Variants in MEF2C observed in about 807,000 individuals in gnomAD.
MEF2C encodes the protein myocyte-specific enhancer factor 2C.
A neutral mutation model predicts 50.5 loss-of-function variants in MEF2C; 6 were observed. The ratio of observed to expected loss-of-function variants is 0.12; its 90% CI spans 0.07 to 0.23. The LOEUF is 0.23. Ranked by LOEUF, MEF2C falls within the 10% of genes least tolerant of loss-of-function variation. The probability of loss-of-function intolerance (pLI) is 1.00; values close to 1 mark genes in which losing one functional copy is unlikely to be tolerated. For synonymous variants in MEF2C, 183 were observed against 228.0 expected (o/e 0.80, Z 1.78); for missense variants, 276 against 605.0 (o/e 0.46, Z 5.70).
At chr5:88,738,501 G>A (rs1765073858) in intron 6 of MEF2C, 1 of 853,228 alleles carries the variant, frequency 1.2e-6, no homozygotes, top group African/African-American at 1.8e-5. Flanking sequence ...AGAAAAGAGA[G>A]GTCCAGGAAT....
At chr5:88,869,296 C>CATATATATATATATATATATATAT (rs1561421061) in intron 1 of MEF2C, among the ~76,000 whole-genome samples, 1 of 104,866 alleles carries the variant, frequency 9.5e-6, no homozygotes, top group Non-Finnish European at 1.9e-5. Context: ...TATATATATA[C>CATATATATATATATATATATATAT]ACATATATAT....
At chr5:88,889,993 G>C (rs896133274) in intron 1 of MEF2C, among the ~76,000 whole-genome samples, 1 of 152,186 alleles carries the variant, frequency 6.6e-6, no homozygotes, top group Admixed American at 6.5e-5. Context: ...GAGCAAGAGG[G>C]GCTCTGCAGG....
chr5:88,823,980 A>G (rs1448606230), intron 1 of MEF2C, 50 bp from the exon 2 acceptor site: 7 of 1,355,182 alleles, frequency 5.2e-6, no homozygotes, highest in Non-Finnish European at 6.7e-6. Context: ...AGTCAGTTTC[A>G]TAAGAACTAT....
chr5:88,811,009 T>G (rs1181049447), intron 2 of MEF2C, among the ~76,000 whole-genome samples: 1 of 152,138 alleles, frequency 6.6e-6, no homozygotes, highest in East Asian at 1.9e-4. Flanking sequence ...TAAGGAATTT[T>G]GGGAAAGGAT....
At chr5:88,751,442 A>G in intron 5 of MEF2C, 1 of 985,342 alleles carries the variant, frequency 1.0e-6, no homozygotes, top group South Asian at 4.7e-5. Flanking sequence ...CAAATAATAA[A>G]TAACTAAATG....
At chr5:88,727,129 T>C (rs940054262) in intron 10 of MEF2C, among the ~76,000 whole-genome samples, 9 of 152,280 alleles carry the variant, frequency 5.9e-5, no homozygotes, top group African/African-American at 1.7e-4. Context: ...ATTATGTGCT[T>C]GGTGATAATT....
intron 3 of MEF2C, among the ~76,000 whole-genome samples, chr5:88,779,015 C>T (rs985138020): frequency 1.3e-5 from 2 of 152,190 alleles, no homozygotes; most frequent in Non-Finnish European, 2.9e-5. Flanking sequence ...CGGGCCAATA[C>T]CCATGTCTCT....
At chr5:88,731,958 G>T in intron 6 of MEF2C, 57 bp from the exon 7 acceptor site, 2 of 1,468,504 alleles carry the variant, frequency 1.4e-6, no homozygotes, top group South Asian at 1.3e-5. Flanking sequence ...ATACGTTTCC[G>T]AAGAATACAC....
chr5:88,814,286 G>A (rs2153156886), intron 2 of MEF2C, among the ~76,000 whole-genome samples: 1 of 152,036 alleles, frequency 6.6e-6, no homozygotes, highest in African/African-American at 2.4e-5. Context: ...TAGGCCCGAT[G>A]ATTACTCTCG....
intron 2 of MEF2C, among the ~76,000 whole-genome samples, chr5:88,808,605 C>T (rs11956763): frequency 0.08 from 12,184 of 152,092 alleles, 582 homozygotes; most frequent in Non-Finnish European, 0.099. Flanking sequence ...TATTAAAGCA[C>T]GTAAGAAAAT....
rs182873989 is a variant in MEF2C at position 88,781,801 on chromosome 5, C to T, written c.259-20473G>A. ...CAGCCTGGCCAACATGGTGAAACCCCGTATCTACTAAAAATACAAAAATTA... is the reference window on the plus strand; with the variant it reads ...CAGCCTGGCCAACATGGTGAAACCCTGTATCTACTAAAAATACAAAAATTA... On this transcript the variant is annotated intron_variant, in intron 3 of 10. Coordinates refer to ENST00000504921, the MANE Select transcript of MEF2C (RefSeq NM_002397.5). Among the ~76,000 whole-genome samples the T allele has an allele frequency of 1.5e-3, 224 of 152,140 alleles. 1 individual carries two copies. Among genetic ancestry groups the T allele is most frequent in the African/African-American group, 5.3e-3 (219 of 41,506 alleles).
intron 6 of MEF2C, among the ~76,000 whole-genome samples, chr5:88,746,005 C>T (rs1416790679): frequency 6.6e-6 from 1 of 152,140 alleles, no homozygotes; most frequent in Non-Finnish European, 1.5e-5. Flanking sequence ...TAGATGTCTA[C>T]TGTTAGTAGA....
intron 1 of MEF2C, among the ~76,000 whole-genome samples, chr5:88,869,020 CAT>C (rs981233363): frequency 4.0e-5 from 6 of 151,708 alleles, no homozygotes; most frequent in South Asian, 2.1e-4. Context: ...ACAACAAGCA[CAT>C]GATAGAACTC....
chr5:88,777,549 GTTGT>G (rs1249116482), intron 3 of MEF2C, among the ~76,000 whole-genome samples: 1 of 152,172 alleles, frequency 6.6e-6, no homozygotes, highest in Non-Finnish European at 1.5e-5. Flanking sequence ...CGTCTGCAAG[GTTGT>G]TTAACAATAA....
chr5:88,755,899 G>A (rs1580163732), intron 4 of MEF2C, among the ~76,000 whole-genome samples: 1 of 152,178 alleles, frequency 6.6e-6, no homozygotes, highest in Non-Finnish European at 1.5e-5. Context: ...AAACAAGCAG[G>A]TCAGTGAAAG....
At chr5:88,729,438 A>G in intron 8 of MEF2C, 91 bp from the exon 9 acceptor site, 1 of 1,155,568 alleles carries the variant, frequency 8.7e-7, no homozygotes, top group Non-Finnish European at 1.2e-6. Flanking sequence ...ATAAAGAGAT[A>G]ACTTGGTACA....
rs1385914377 is a variant in MEF2C at position 88,741,365 on chromosome 5, C to T, written c.637+7705G>A. 14 of 985,208 alleles carry T rather than the reference C, an allele frequency of 1.4e-5. No homozygotes were observed. The Admixed American group carries it at 2.5e-4, about 17-fold the overall frequency. The allele number at this position is 985,208 out of a possible 1,614,324, so 61.0% of individuals were successfully genotyped here. ...ATCTCATTTAATTTTTACAACAATC[C>T]GGAAAAAGAGGAGTTTAACAGACTT... On this transcript the variant is annotated intron_variant, in intron 6 of 10. Coordinates refer to ENST00000504921, the MANE Select transcript of MEF2C (RefSeq NM_002397.5).
rs1358463146 is a variant in MEF2C at position 88,733,426 on chromosome 5, G to C, written c.638-1525C>G. 3 of 985,200 alleles carry C rather than the reference G, an allele frequency of 3.0e-6. No homozygotes were observed. In the Admixed American group the frequency reaches 1.8e-4, roughly 61 times the overall value. The allele number at this position is 985,200 out of a possible 1,614,324, so 61.0% of individuals were successfully genotyped here. ...TGGTGGAAATGAAAGTTTCAGAGTA[G>C]AGGTATGACACAGACCTCTAAGTGG... is the stretch of plus-strand genomic sequence containing the variant. On this transcript the variant is annotated intron_variant, in intron 6 of 10. Transcript: ENST00000504921.
chr5:88,748,119 A>T (rs1024927665), intron 6 of MEF2C: 20 of 983,578 alleles, frequency 2.0e-5, no homozygotes, highest in Non-Finnish European at 2.4e-5. Context: ...GAGAAACTCT[A>T]CCCTCAAATA....
Sources: gnomAD v4.1 joint callset for allele counts (sites outside exome capture counted in the v4.1 genomes callset) on GRCh38, gnomAD v4.1.1 for gene constraint, MANE v1.5 for transcripts, NCBI Gene and HGNC (gene_info 2026-07-23, HGNC 2026-07-21) for gene names.